TENM3: variants seen among roughly 807,000 people sequenced by gnomAD.
The protein encoded by TENM3 is teneurin transmembrane protein 3, also known as teneurin-3.
A neutral mutation model predicts 255.1 loss-of-function variants in TENM3; 63 were observed. That is an observed-to-expected ratio of 0.25 (90% confidence interval 0.20 to 0.30). The LOEUF (loss-of-function observed/expected upper bound fraction) is 0.30, where lower values mean the gene tolerates loss of function less well. TENM3 is among the 10% of genes least tolerant of loss of function. The probability of loss-of-function intolerance (pLI) is 1.00; values close to 1 mark genes in which losing one functional copy is unlikely to be tolerated. For missense variants in TENM3, 2,929 were observed against 3,461.1 expected (o/e 0.85, Z 3.86); for synonymous variants, 1,306 against 1,322.3 (o/e 0.99, Z 0.27).
chr4:182,023,668 T>G, the TENM3 span, among the ~76,000 whole-genome samples: 1 of 152,322 alleles, frequency 6.6e-6, no homozygotes, highest in Admixed American at 6.5e-5. Context: ...GGCAAAAAGG[T>G]TTGTTCATTT....
intron 3 of TENM3, among the ~76,000 whole-genome samples, chr4:182,517,541 G>A (rs1246369884): frequency 2.0e-5 from 3 of 146,454 alleles, no homozygotes; most frequent in South Asian, 2.2e-4. Flanking sequence ...CCGCTACCAC[G>A]CCCGGCTAAT....
At chr4:182,205,541 C>T (rs571262101) in intron 1 of TENM3, among the ~76,000 whole-genome samples, 20 of 152,308 alleles carry the variant, frequency 1.3e-4, no homozygotes, top group African/African-American at 4.8e-4. Context: ...GTTGCTATGA[C>T]TGATTTACAC....
chr4:181,637,898 T>A, the TENM3 span, among the ~76,000 whole-genome samples: 5 of 151,968 alleles, frequency 3.3e-5, no homozygotes, highest in Admixed American at 6.6e-5. Context: ...AATGAGTAAA[T>A]GGGTAGATGG....
chr4:182,522,470 A>G (rs1272668375), intron 3 of TENM3, among the ~76,000 whole-genome samples: 3 of 152,150 alleles, frequency 2.0e-5, no homozygotes, highest in Non-Finnish European at 4.4e-5. Context: ...ATTTCATTTC[A>G]CACAATGACC....
the TENM3 span, among the ~76,000 whole-genome samples, chr4:181,547,664 C>T: frequency 6.6e-6 from 1 of 152,014 alleles, no homozygotes; most frequent in African/African-American, 2.4e-5. Context: ...GAGATTTTCC[C>T]ACTTAGTACA....
At chr4:181,578,287 T>C in the TENM3 span, among the ~76,000 whole-genome samples, 1 of 152,278 alleles carries the variant, frequency 6.6e-6, no homozygotes, top group African/African-American at 2.4e-5. Flanking sequence ...TGTCTGGAGG[T>C]CTGCACTGCT....
chr4:181,907,154 A>G, the TENM3 span, among the ~76,000 whole-genome samples: 1 of 152,158 alleles, frequency 6.6e-6, no homozygotes, highest in Non-Finnish European at 1.5e-5. Context: ...CAGCCTGTCA[A>G]CTCACTTTTA....
the TENM3 span, among the ~76,000 whole-genome samples, chr4:181,452,317 G>T: frequency 6.6e-6 from 1 of 152,158 alleles, no homozygotes; most frequent in Non-Finnish European, 1.5e-5. Flanking sequence ...TTTTAAAAAT[G>T]TGATATGGTT....
rs772670320 is a variant in TENM3, at chr4:182,774,947, T to C, written c.5098T>C (p.Tyr1700His). 8 of 1,613,642 alleles carry C rather than the reference T, an allele frequency of 5.0e-6. No homozygotes were observed. The highest frequency in any genetic ancestry group is 5.1e-6 in the Non-Finnish European group (6 of 1,179,690). ...GTTAAGAAACAGCTACCAGATTGGT[T>C]ATGACGGCTCCCTCAGAATTATCTA... ...DQLRNSYQIGYDGSLRIIYAS... is the reference protein window; with the variant it reads ...DQLRNSYQIGHDGSLRIIYAS... Residue 1700 changes from tyrosine (Y) to histidine (H), a missense_variant, in exon 24 of 28, where the codon TAT (tyrosine) becomes CAT (histidine). This residue lies in a region of TENM3 where 1,608 missense variants were observed against 1,884.4 expected (regional missense o/e 0.85). Transcript: ENST00000511685.
At chr4:181,575,148 G>C in the TENM3 span, among the ~76,000 whole-genome samples, 1 of 151,818 alleles carries the variant, frequency 6.6e-6, no homozygotes, top group Non-Finnish European at 1.5e-5. Context: ...AGGAGTTTAA[G>C]TTTTTTGTTA....
At chr4:181,697,596 G>A in the TENM3 span, among the ~76,000 whole-genome samples, 1 of 151,992 alleles carries the variant, frequency 6.6e-6, no homozygotes, top group South Asian at 2.1e-4. Flanking sequence ...GTTTCACCAT[G>A]TTAGACAGGA....
chr4:182,639,150 G>A (rs572687217), intron 5 of TENM3, among the ~76,000 whole-genome samples: 1 of 152,154 alleles, frequency 6.6e-6, no homozygotes, highest in South Asian at 2.1e-4. Flanking sequence ...TTATCACAGT[G>A]ATCTCACACT....
At chr4:182,026,979 T>G in the TENM3 span, among the ~76,000 whole-genome samples, 1 of 141,400 alleles carries the variant, frequency 7.1e-6, no homozygotes, top group Non-Finnish European at 1.6e-5. Context: ...TTAGGATTGT[T>G]TTTTATATTT....
the TENM3 span, among the ~76,000 whole-genome samples, chr4:181,853,282 T>C: frequency 1.9e-3 from 292 of 152,304 alleles, 4 homozygotes; most frequent in African/African-American, 6.8e-3. Context: ...AAAACAAATA[T>C]CTGATATTCT....
chr4:182,549,390 T>C (rs150783658), intron 3 of TENM3, among the ~76,000 whole-genome samples: 26 of 152,338 alleles, frequency 1.7e-4, no homozygotes, highest in African/African-American at 6.0e-4. Flanking sequence ...ATGAAGTCTA[T>C]AATAGCATAA....
rs570040188 is a variant in TENM3 at position 182,362,693 on chromosome 4, C to T, written c.511+15764C>T. ...GCACTTCCCGAGTGAGGCAATGCCT[C>T]GCCCTGCTTCGGCTCGCACACGGTG... is the stretch of plus-strand genomic sequence containing the variant. On this transcript the variant is annotated intron_variant, in intron 3 of 27. Transcript: ENST00000511685. Among the ~76,000 whole-genome samples, 18 of 152,234 alleles carry T rather than the reference C, an allele frequency of 1.2e-4. No homozygotes were observed. In the East Asian group the frequency reaches 2.7e-3, roughly 23 times the overall value.
At position 182,800,452 on chromosome 4, in the gene TENM3, G is replaced by A. The variant is rs1329552380; in HGVS notation, c.*101G>A. ...AACGCCCAAGAGCCTTCCTCCCGGG[G>A]GAATGAGACTGCTGTTACGACCCAC... On this transcript the variant is annotated 3_prime_UTR_variant, in exon 28 of 28. Transcript: ENST00000511685. 2.2e-6 allele frequency: 3 copies of A among 1,368,528 alleles called. No individual in the cohort carries two copies. Among genetic ancestry groups the A allele is most frequent in the African/African-American group, 1.5e-5 (1 of 67,410 alleles). 84.8% of individuals were successfully genotyped at this position (1,368,528 alleles called of 1,614,324 possible).
chr4:181,586,856 AAAC>A, the TENM3 span, among the ~76,000 whole-genome samples: 1 of 101,726 alleles, frequency 9.8e-6, no homozygotes, highest in Non-Finnish European at 2.1e-5. Flanking sequence ...AAAACAAAAC[AAAC>A]AAACAAACAA....
At chr4:182,449,910 A>G (rs1471640241) in intron 3 of TENM3, among the ~76,000 whole-genome samples, 1 of 152,206 alleles carries the variant, frequency 6.6e-6, no homozygotes, top group Non-Finnish European at 1.5e-5. Flanking sequence ...TGTGTAGTTC[A>G]ATAAAACAAA....
Sources: gnomAD v4.1 joint callset for allele counts (sites outside exome capture counted in the v4.1 genomes callset) on GRCh38, gnomAD v4.1.1 for gene constraint, gnomAD v4.1.1 regional missense constraint, MANE v1.5 for transcripts, NCBI Gene and HGNC (gene_info 2026-07-23, HGNC 2026-07-21) for gene names.